The following MOV10L1 variants were observed in gnomAD, a reference collection of about 807,000 sequenced individuals.
MOV10L1 encodes the protein RNA helicase Mov10l1.
Under a neutral mutation model 143.8 loss-of-function variants are expected in MOV10L1, and 110 were observed. The observed-to-expected ratio is 0.76, with a 90% CI of 0.66 to 0.90. The LOEUF is 0.90. Among genes scored for constraint, MOV10L1 ranks in the 40% least tolerant of loss-of-function variants. The pLI, the probability that MOV10L1 is intolerant of heterozygous loss-of-function variation, is 0.00. For synonymous variants in MOV10L1, 593 were observed against 581.1 expected (o/e 1.02, Z -0.29); for missense variants, 1,406 against 1,526.8 (o/e 0.92, Z 1.32).
intron 5 of MOV10L1, among the ~76,000 whole-genome samples, chr22:50,112,303 G>A (rs540785355): frequency 3.3e-5 from 5 of 152,324 alleles, no homozygotes; most frequent in African/African-American, 9.6e-5. Context: ...AGCCCAGTCC[G>A]CTGAGCCTGG....
At chr22:50,129,312 TTC>T (rs1202180633) in intron 13 of MOV10L1, among the ~76,000 whole-genome samples, 7 of 152,240 alleles carry the variant, frequency 4.6e-5, no homozygotes, top group Non-Finnish European at 1.0e-4. Flanking sequence ...AGCTGGCTTT[TTC>T]TTCCTCCACA....
In MOV10L1 at chr22:50,145,669, C is replaced by T. The variant is rs1014753802; in HGVS notation, c.2506-20C>T. The T allele has an allele frequency of 2.5e-6, 4 of 1,613,644 alleles. No individual in the cohort carries two copies. Among genetic ancestry groups the T allele is most frequent in the Non-Finnish European group, 3.4e-6 (4 of 1,179,796 alleles). On this transcript the variant is annotated intron_variant, in intron 18 of 26. Transcript: ENST00000262794. Reference sequence around the variant, plus strand: ...TAATAATTGGAGGAGTAAACTAACTCTACGCCTCCTTGCCCCCAGATAGTT... The same window carrying T: ...TAATAATTGGAGGAGTAAACTAACTTTACGCCTCCTTGCCCCCAGATAGTT...
intron 22 of MOV10L1, among the ~76,000 whole-genome samples, chr22:50,156,442 G>A (rs1312583949): frequency 6.6e-6 from 1 of 152,152 alleles, no homozygotes; most frequent in Non-Finnish European, 1.5e-5. Flanking sequence ...AAGTTTAATA[G>A]TGTTAAGTAT....
intron 1 of MOV10L1, 88 bp from the exon 2 acceptor site, chr22:50,091,912 CT>C: frequency 7.5e-7 from 1 of 1,332,214 alleles, no homozygotes. Flanking sequence ...AAAAAGGAGG[CT>C]TTTGCACTCT....
intron 12 of MOV10L1, among the ~76,000 whole-genome samples, chr22:50,127,899 A>C (rs112074032): frequency 4.3e-4 from 66 of 152,054 alleles, no homozygotes; most frequent in African/African-American, 1.4e-3. Flanking sequence ...CAGCCTCCCA[A>C]GTAGCTGGGA....
intron 8 of MOV10L1, 76 bp from the exon 9 acceptor site, chr22:50,117,081 T>C: frequency 7.3e-7 from 1 of 1,367,640 alleles, no homozygotes; most frequent in Non-Finnish European, 1.0e-6. Flanking sequence ...ACTTTTCTTG[T>C]ATGTACAAAG....
At chr22:50,110,333 C>CA (rs1193115551) in intron 5 of MOV10L1, among the ~76,000 whole-genome samples, 1 of 151,566 alleles carries the variant, frequency 6.6e-6, no homozygotes, top group African/African-American at 2.4e-5. Flanking sequence ...CCTGTAGTCC[C>CA]AGCTACTCGG....
At chr22:50,133,119 T>G (rs1019655855) in intron 13 of MOV10L1, among the ~76,000 whole-genome samples, 3 of 152,082 alleles carry the variant, frequency 2.0e-5, no homozygotes, top group Non-Finnish European at 4.4e-5. Flanking sequence ...CCTGCGCTGG[T>G]TGGAACTTGT....
chr22:50,108,793 G>A lies in MOV10L1; in HGVS notation c.692G>A (p.Ser231Asn). 2 of 1,614,216 alleles carry A rather than the reference G, an allele frequency of 1.2e-6. No homozygotes were observed. The highest frequency in any genetic ancestry group is 1.7e-6 in the Non-Finnish European group (2 of 1,180,040). ...GTCAATGCAGTGGTGGTGGAGAGCA[G>A]CCAGTCATGCTATGTCTGGAGGGCA... ...DVVNAVVVESSQSCYVWRALC... is the reference protein window; with the variant it reads ...DVVNAVVVESNQSCYVWRALC... Residue 231 changes from serine (S) to asparagine (N), a missense_variant, in exon 5 of 27, where the codon AGC becomes AAC. Physicochemically the swap from Ser to Asn is conservative, Grantham distance 46. Around this residue, in one of 3 missense-constraint regions of MOV10L1, gnomAD observed 1,233 missense variants for 1,351.4 expected, o/e 0.91. Transcript: ENST00000262794.
In MOV10L1 at chr22:50,152,968, G is replaced by T; in HGVS notation, c.2893-77G>T. 8 of 1,452,528 alleles carry T rather than the reference G, an allele frequency of 5.5e-6. No individual in the cohort carries two copies. The highest frequency in any genetic ancestry group is 7.5e-6 in the Non-Finnish European group (8 of 1,064,222). 90.0% of individuals were successfully genotyped at this position (1,452,528 alleles called of 1,614,324 possible). A position where few individuals can be genotyped will look rare whatever the true frequency, so the allele number is the denominator to read the frequency against. ...GTCAGGCAGGCCTCACGTTTGCTGT[G>T]CAGAGCCGCTTTTCGTTCGACAGAA... On this transcript the variant is annotated intron_variant, in intron 21 of 26. Coordinates refer to ENST00000262794, the MANE Select transcript of MOV10L1 (RefSeq NM_018995.3). The surrounding 1 kb of genome is among the most constrained non-coding windows in gnomAD (Gnocchi z 4.4).
In MOV10L1 at chr22:50,149,400, G is replaced by A. The variant is rs116743003; in HGVS notation, c.2628-215G>A. The A allele has an allele frequency of 2.7e-3, 1,544 of 563,290 alleles. 23 individuals carry two copies. The highest frequency in any genetic ancestry group is 0.027 in the African/African-American group (1,435 of 53,184). 34.9% of individuals were successfully genotyped at this position (563,290 alleles called of 1,614,324 possible). ...ATCTCTAGAAATACAGACGCTGCGT[G>A]CAAAGCACTGGGTGCTGATGTGGCT... On this transcript the variant is annotated intron_variant, in intron 19 of 26. Transcript: ENST00000262794.
chr22:50,161,288 C>A, intron 26 of MOV10L1, 80 bp from the exon 27 acceptor site: 1 of 1,244,116 alleles, frequency 8.0e-7, no homozygotes, highest in Non-Finnish European at 1.1e-6. Context: ...CTTGTAAAAC[C>A]CACATTGGGA....
chr22:50,143,073 A>C lies in MOV10L1; in HGVS notation c.2210A>C (p.Lys737Thr), dbSNP rs1169368182. 6.2e-7 allele frequency: 1 copy of C among 1,614,198 alleles called. No homozygotes were observed. The highest frequency in any genetic ancestry group is 1.1e-5 in the South Asian group (1 of 91,082). ...VDEIQTPKARKMEFFNPVLNE... is the reference protein window; with the variant it reads ...VDEIQTPKARTMEFFNPVLNE... ...GAAATTCAGACCCCTAAAGCAAGAA[A>C]GATGGAGTTTTTCAACCCAGTGCTA... The change falls in exon 17 of 27, where the codon AAG becomes ACG. Residue 737 changes from lysine (K) to threonine (T), a missense_variant. Coordinates refer to ENST00000262794, the MANE Select transcript of MOV10L1 (RefSeq NM_018995.3).
At chr22:50,090,551 C>CT in intron 1 of MOV10L1, 1 of 1,593,764 alleles carries the variant, frequency 6.3e-7, no homozygotes, top group Non-Finnish European at 8.6e-7. Flanking sequence ...GCCCCGCAGA[C>CT]TTGGCCTGTC....
intron 5 of MOV10L1, chr22:50,109,716 C>T (rs1365398168): frequency 1.0e-5 from 2 of 194,796 alleles, no homozygotes; most frequent in Admixed American, 1.0e-4. Context: ...GTGGTGTGCA[C>T]CTCCGGTCCC....
chr22:50,159,729 G>T lies in MOV10L1; in HGVS notation c.3268G>T (p.Val1090Phe), dbSNP rs1356453369. The T allele has an allele frequency of 2.5e-6, 4 of 1,613,544 alleles. No individual in the cohort carries two copies. The highest frequency in any genetic ancestry group is 2.2e-5 in the East Asian group (1 of 44,892). Residue 1090 changes from valine to phenylalanine, a missense_variant, in exon 24 of 27, where the codon GTT (valine) becomes TTT (phenylalanine). Around this residue, in one of 3 missense-constraint regions of MOV10L1, gnomAD observed 1,233 missense variants for 1,351.4 expected, o/e 0.91. Transcript: ENST00000262794. This position sits in a 1 kb window ranked among gnomAD's most constrained non-coding sequence, Gnocchi z 4.1. ...LRNVDLMDIK[V>F]GSVEEFQGQE... ...TAATGTTGATCTGATGGATATAAAGGTTGGATCAGTAGAGGAGTTTCAAGG... is the reference window on the plus strand; with the variant it reads ...TAATGTTGATCTGATGGATATAAAGTTTGGATCAGTAGAGGAGTTTCAAGG...
chr22:50,161,260 CAG>C, intron 26 of MOV10L1, 106 bp from the exon 27 acceptor site: 1 of 1,056,360 alleles, frequency 9.5e-7, no homozygotes, highest in South Asian at 1.6e-5. Flanking sequence ...CATAGGCTAA[CAG>C]GGTAAACTAA....
At chr22:50,149,398 G>A (rs952778935) in intron 19 of MOV10L1, 9 of 559,332 alleles carry the variant, frequency 1.6e-5, no homozygotes, top group South Asian at 4.3e-5. Context: ...CAGACGCTGC[G>A]TGCAAAGCAC....
rs2061732991 is a variant in MOV10L1 at position 50,101,099 on chromosome 22, G to A, written c.442+1497G>A. 1.3e-5 allele frequency among the ~76,000 whole-genome samples: 2 copies of A among 152,188 alleles called. 1 individual carries two copies. Among genetic ancestry groups the A allele is most frequent in the Admixed American group, 1.3e-4 (2 of 15,284 alleles). On this transcript the variant is annotated intron_variant, in intron 3 of 26. Coordinates refer to ENST00000262794, the MANE Select transcript of MOV10L1 (RefSeq NM_018995.3). ...TGCACAGCCCACAGCACTGCCTGTT[G>A]GAAGATGAATAGAAGTTTTCTGCTT...
Sources: gnomAD v4.1 joint callset for allele counts (sites outside exome capture counted in the v4.1 genomes callset) on GRCh38, gnomAD v4.1.1 for gene constraint, gnomAD v4.1.1 regional missense constraint, Gnocchi (gnomAD v3.1) non-coding constraint, MANE v1.5 for transcripts, NCBI Gene and HGNC (gene_info 2026-07-23, HGNC 2026-07-21) for gene names.